Variants in ADAMTSL1 observed in about 807,000 individuals in gnomAD.
The protein encoded by ADAMTSL1 is ADAMTS-like protein 1.
Under a neutral mutation model 201.8 loss-of-function variants are expected in ADAMTSL1, and 126 were observed. The ratio of observed to expected loss-of-function variants is 0.62; its 90% CI spans 0.54 to 0.72. ADAMTSL1 has a LOEUF of 0.72. Ranked by LOEUF, ADAMTSL1 falls within the 30% of genes least tolerant of loss-of-function variation. The pLI is 0.00. For synonymous variants in ADAMTSL1, 1,121 were observed against 903.4 expected (o/e 1.24, Z -4.32); for missense variants, 2,679 against 2,277.8 (o/e 1.18, Z -3.59).
intron 2 of ADAMTSL1, among the ~76,000 whole-genome samples, chr9:18,234,917 T>C (rs1185281369): frequency 6.6e-6 from 1 of 152,202 alleles, no homozygotes; most frequent in Non-Finnish European, 1.5e-5. Context: ...TAGTTTTAGA[T>C]TTTTGGAAAT....
chr9:18,354,507 T>C (rs556332849), intron 2 of ADAMTSL1, among the ~76,000 whole-genome samples: 7 of 152,148 alleles, frequency 4.6e-5, no homozygotes, highest in Admixed American at 2.6e-4. Context: ...CCTGACACAA[T>C]GAGATCACTG....
At chr9:18,283,392 C>T (rs1290030983) in intron 2 of ADAMTSL1, among the ~76,000 whole-genome samples, 1 of 151,600 alleles carries the variant, frequency 6.6e-6, no homozygotes, top group Admixed American at 6.6e-5. Flanking sequence ...ATCACTTAAG[C>T]CCAGAACTTT....
At chr9:18,518,365 T>C (rs1818489137) in intron 2 of ADAMTSL1, among the ~76,000 whole-genome samples, 1 of 152,110 alleles carries the variant, frequency 6.6e-6, no homozygotes, top group Non-Finnish European at 1.5e-5. Context: ...TGTGTACGCA[T>C]TGTTTAGCTC....
At chr9:18,740,264 A>G (rs146895455) in intron 15 of ADAMTSL1, among the ~76,000 whole-genome samples, 1 of 152,158 alleles carries the variant, frequency 6.6e-6, no homozygotes, top group East Asian at 2.0e-4. Flanking sequence ...AGCCTAATCT[A>G]TGAGGCTGTG....
At chr9:18,844,437 C>G (rs1457136266) in intron 23 of ADAMTSL1, among the ~76,000 whole-genome samples, 1 of 152,184 alleles carries the variant, frequency 6.6e-6, no homozygotes, top group Non-Finnish European at 1.5e-5. Flanking sequence ...AGGTGTCAGT[C>G]TGCCCCTACT....
At chr9:18,182,902 A>G (rs867010757) in intron 2 of ADAMTSL1, among the ~76,000 whole-genome samples, 1 of 152,066 alleles carries the variant, frequency 6.6e-6, no homozygotes, top group South Asian at 2.1e-4. Context: ...GGAGCCATGG[A>G]CTCTCATTTA....
rs1361641700 is a variant in ADAMTSL1, at chr9:18,910,084, C to T, written c.*1536C>T. ...CTCCCCTCATGAAATGCCACTCACC[C>T]CGGGCTACCATTGACATCAGGGCTG... On this transcript the variant is annotated 3_prime_UTR_variant, in exon 29 of 29. Coordinates refer to ENST00000380548, the MANE Select transcript of ADAMTSL1 (RefSeq NM_001040272.6). 1.3e-4 allele frequency: 20 copies of T among 152,138 alleles called. No individual in the cohort carries two copies. The highest frequency in any genetic ancestry group is 1.3e-3 in the Admixed American group (20 of 15,278). The allele number at this position is 152,138 out of a possible 1,614,324, so 9.4% of individuals were successfully genotyped here. A position where few individuals can be genotyped will look rare whatever the true frequency, so the allele number is the denominator to read the frequency against.
intron 13 of ADAMTSL1, among the ~76,000 whole-genome samples, chr9:18,690,896 C>T (rs1052624891): frequency 3.9e-5 from 6 of 152,146 alleles, no homozygotes; most frequent in African/African-American, 1.2e-4. Flanking sequence ...TTGTTCACAC[C>T]TCCTAATGAT....
intron 1 of ADAMTSL1, among the ~76,000 whole-genome samples, chr9:18,149,046 C>T (rs995186474): frequency 6.6e-6 from 1 of 151,858 alleles, no homozygotes; most frequent in African/African-American, 2.4e-5. Flanking sequence ...TTATGGAGAA[C>T]TGGGAATTTT....
Position 18,071,271 on chromosome 9 carries a change from T to C in ADAMTSL1, c.88-92591T>C, listed in dbSNP as rs557287082. On this transcript the variant is annotated intron_variant, in intron 1 of 29. Coordinates refer to the ADAMTSL1 transcript ENST00000680146. ...GTCAGATGTTTTTGGTTCAAAAAAA[T>C]TAAAGGTTTGGTCACTTCAGAGCAT... 9.8e-5 allele frequency among the ~76,000 whole-genome samples: 15 copies of C among 152,290 alleles called. No individual in the cohort carries two copies. The South Asian group carries it at 3.1e-3, about 32-fold the overall frequency.
chr9:18,283,960 G>C (rs558454626), intron 2 of ADAMTSL1, among the ~76,000 whole-genome samples: 13 of 135,970 alleles, frequency 9.6e-5, no homozygotes, highest in Non-Finnish European at 1.9e-4. Flanking sequence ...GCTGGGTGTG[G>C]TGGCTCACAC....
chr9:18,699,400 C>G (rs987879887), intron 13 of ADAMTSL1, among the ~76,000 whole-genome samples: 5 of 149,402 alleles, frequency 3.3e-5, no homozygotes, highest in African/African-American at 1.2e-4. Context: ...TCAGAGCTCA[C>G]TGTAACCTTG....
At chr9:18,636,249 A>G (rs953806362) in intron 6 of ADAMTSL1, among the ~76,000 whole-genome samples, 1 of 152,124 alleles carries the variant, frequency 6.6e-6, no homozygotes, top group African/African-American at 2.4e-5. Context: ...GATGCTCCCA[A>G]TGGGTTGTTC....
intron 2 of ADAMTSL1, among the ~76,000 whole-genome samples, chr9:18,343,021 GTTTT>G (rs1835537497): frequency 6.6e-6 from 1 of 151,238 alleles, no homozygotes; most frequent in Non-Finnish European, 1.5e-5. Context: ...AAAAATGTGG[GTTTT>G]TTTGTTTTGT....
intron 23 of ADAMTSL1, among the ~76,000 whole-genome samples, chr9:18,868,396 A>C (rs760263446): frequency 6.6e-6 from 1 of 152,368 alleles, no homozygotes; most frequent in African/African-American, 2.4e-5. Flanking sequence ...CAGATTTTAC[A>C]TCAAATGTCT....
intron 2 of ADAMTSL1, among the ~76,000 whole-genome samples, chr9:18,207,676 T>C (rs143361651): frequency 2.4e-4 from 37 of 152,306 alleles, no homozygotes; most frequent in African/African-American, 8.9e-4. Context: ...ATGCGGTTCA[T>C]ATGTTAACTT....
chr9:18,284,144 G>C (rs1037618511), intron 2 of ADAMTSL1, among the ~76,000 whole-genome samples: 1 of 151,464 alleles, frequency 6.6e-6, no homozygotes, highest in African/African-American at 2.4e-5. Context: ...CAGGAGAATT[G>C]CTCGAACCTG....
chr9:18,764,500 T>C (rs367598114), intron 16 of ADAMTSL1, among the ~76,000 whole-genome samples: 2 of 152,364 alleles, frequency 1.3e-5, no homozygotes, highest in African/African-American at 2.4e-5. Flanking sequence ...TCTCTTGTCT[T>C]ACTGCTCTAG....
intron 23 of ADAMTSL1, among the ~76,000 whole-genome samples, chr9:18,869,946 T>C (rs1250253824): frequency 6.6e-6 from 1 of 152,146 alleles, no homozygotes; most frequent in Non-Finnish European, 1.5e-5. Flanking sequence ...TTTTTTCAAT[T>C]TTTTTCTGTT....
Sources: allele counts gnomAD v4.1 joint callset (sites outside exome capture counted in the v4.1 genomes callset), GRCh38; gene constraint gnomAD v4.1.1; transcripts MANE v1.5; gene names NCBI Gene and HGNC (gene_info 2026-07-23, HGNC 2026-07-21).